The following TAF1D variants were observed in gnomAD, a reference collection of about 807,000 sequenced individuals.
TAF1D encodes TATA-box binding protein associated factor, RNA polymerase I subunit D, also known as TATA box-binding protein-associated factor RNA polymerase I subunit D.
Under a neutral mutation model 26.2 loss-of-function variants are expected in TAF1D, and 23 were observed. The ratio of observed to expected loss-of-function variants is 0.88; its 90% CI spans 0.63 to 1.25. The LOEUF is 1.25. Among genes scored for constraint, TAF1D ranks in the 50% most tolerant of loss-of-function variants. The pLI is 0.00. For missense variants in TAF1D, 299 were observed against 322.0 expected (o/e 0.93, Z 0.55); for synonymous variants, 100 against 105.6 (o/e 0.95, Z 0.33).
intron 2 of TAF1D, 105 bp downstream of exon 2, chr11:93,739,132 A>T: frequency 1.2e-6 from 1 of 854,420 alleles, no homozygotes; most frequent in Non-Finnish European, 1.8e-6. Flanking sequence ...AGTGAAATCT[A>T]GTTTTCCTTC....
downstream of TAF1D, chr11:93,733,403 G>A: frequency 1.9e-6 from 1 of 518,590 alleles, no homozygotes; most frequent in South Asian, 1.4e-5. Context: ...AATACCTAAG[G>A]TAAAAAAGTA....
downstream of TAF1D, chr11:93,734,174 T>C (rs1940138217): frequency 6.5e-6 from 1 of 153,250 alleles, no homozygotes; most frequent in South Asian, 2.0e-4. Flanking sequence ...TCATCCATTA[T>C]AAAATACAGG....
rs566870712 is a variant in TAF1D, at chr11:93,741,411, G to C, written c.-117C>G. The C allele has an allele frequency of 2.2e-6, 1 of 456,322 alleles. No homozygotes were observed. The highest frequency in any genetic ancestry group is 2.0e-5 in the African/African-American group (1 of 50,202). The allele number at this position is 456,322 out of a possible 1,614,324, so 28.3% of individuals were successfully genotyped here. Reference sequence around the variant, plus strand: ...AACCCGCGACTGGCCTGGTGTCCTAGAGCTCTGTACACACCACCCTCCCGA... The same window carrying C: ...AACCCGCGACTGGCCTGGTGTCCTACAGCTCTGTACACACCACCCTCCCGA... On this transcript the variant is annotated 5_prime_UTR_variant, in exon 1 of 6. Coordinates refer to ENST00000448108, the MANE Select transcript of TAF1D (RefSeq NM_024116.4).
downstream of TAF1D, chr11:93,734,840 A>G (rs117981202): frequency 2.1e-3 from 2,132 of 1,032,364 alleles, 41 homozygotes; most frequent in East Asian, 0.058. Context: ...CAGTGGTGCC[A>G]TCAAAGCTCA....
chr11:93,736,997 T>C, intron 4 of TAF1D, 67 bp downstream of exon 4: 1 of 1,354,172 alleles, frequency 7.4e-7, no homozygotes, highest in Non-Finnish European at 9.9e-7. Flanking sequence ...AGGCAAAATA[T>C]GAAGCAATTA....
chr11:93,735,017 G>A (rs1392883187), downstream of TAF1D: 4 of 1,223,430 alleles, frequency 3.3e-6, no homozygotes, highest in Non-Finnish European at 3.2e-6. Context: ...TCCCACCTTG[G>A]TGTGGGGATT....
Position 93,741,487 on chromosome 11 carries a change from A to G in TAF1D, c.-193T>C. On this transcript the variant is annotated 5_prime_UTR_variant, in exon 1 of 6. Transcript: ENST00000448108. Reference sequence around the variant, plus strand: ...CAGCCGACCTCCTCCAACCGTGCGGAAGAAAAGGGTTGGCTATTTCCGTGG... The same window carrying G: ...CAGCCGACCTCCTCCAACCGTGCGGGAGAAAAGGGTTGGCTATTTCCGTGG... 2.2e-6 allele frequency: 1 copy of G among 456,154 alleles called. No individual in the cohort carries two copies. The highest frequency in any genetic ancestry group is 4.4e-6 in the Non-Finnish European group (1 of 226,928). 28.3% of individuals were successfully genotyped at this position (456,154 alleles called of 1,614,324 possible). A position where few individuals can be genotyped will look rare whatever the true frequency, so the allele number is the denominator to read the frequency against.
At chr11:93,733,458 C>T, downstream of TAF1D, 1 of 518,290 alleles carries the variant, frequency 1.9e-6, no homozygotes, top group South Asian at 1.4e-5. Flanking sequence ...CTTTTTCAAA[C>T]TTTTAGCAAC....
At chr11:93,730,273 T>C in exon 12 of TAF1D, 2 of 1,541,304 alleles carry the variant, frequency 1.3e-6, no homozygotes, top group Non-Finnish European at 1.8e-6. Flanking sequence ...ATGCTGACTT[T>C]CTAGAAATAG....
chr11:93,736,456 G>C lies in TAF1D; in HGVS notation c.694-152C>G, dbSNP rs139168053. ...ATTAACATTGCTTATTTTTTCATTTGACATCCTAACTAGCAATAATATGTA... is the reference window on the plus strand; with the variant it reads ...ATTAACATTGCTTATTTTTTCATTTCACATCCTAACTAGCAATAATATGTA... On this transcript the variant is annotated intron_variant, in intron 5 of 5. Transcript: ENST00000448108. 81 of 1,420,358 alleles carry C rather than the reference G, an allele frequency of 5.7e-5. No homozygotes were observed. The East Asian group carries it at 2.1e-3, about 37-fold the overall frequency. 88.0% of individuals were successfully genotyped at this position (1,420,358 alleles called of 1,614,324 possible). A position where few individuals can be genotyped will look rare whatever the true frequency, so the allele number is the denominator to read the frequency against.
downstream of TAF1D, chr11:93,733,073 AAT>A (rs372888321): frequency 2.5e-3 from 853 of 342,376 alleles, 10 homozygotes; most frequent in African/African-American, 0.016. Context: ...TTATAAGTTA[AAT>A]ATTTTACTTA....
In TAF1D at chr11:93,738,232, C is replaced by T; in HGVS notation, c.336G>A (p.Arg112=). 1 of 1,612,930 alleles carries T rather than the reference C, an allele frequency of 6.2e-7. No homozygotes were observed. The highest frequency in any genetic ancestry group is 8.5e-7 in the Non-Finnish European group (1 of 1,179,780). Residue 112 remains arginine, a synonymous_variant, in exon 3 of 6, where the codon AGG becomes AGA. Transcript: ENST00000448108. ...TGRPRGRPEG[R]RNPIYSLIDK... is the part of the protein sequence containing the mutation. ...CTATTAGTGAGTATATAGGATTTCTCCTTCCTTCTGGTCTTCCCCGTGGTC... is the reference window on the plus strand; with the variant it reads ...CTATTAGTGAGTATATAGGATTTCTTCTTCCTTCTGGTCTTCCCCGTGGTC...
chr11:93,736,729 G>C lies in TAF1D; in HGVS notation c.658C>G (p.His220Asp), dbSNP rs747510983. The C allele has an allele frequency of 6.2e-7, 1 of 1,611,114 alleles. No homozygotes were observed. Among genetic ancestry groups the C allele is most frequent in the African/African-American group, 1.3e-5 (1 of 74,924 alleles). Residue 220 changes from histidine (H) to aspartate (D), a missense_variant, in exon 5 of 6, where the codon CAT becomes GAT. His to Asp is a moderately conservative substitution (Grantham distance 81). Coordinates refer to ENST00000448108, the MANE Select transcript of TAF1D (RefSeq NM_024116.4). ...ATATCACATTCGTTATCTTCAAGAT[G>C]TGTTGCATCCTCATCCTCTGCTCTG... ...ESTAEDEDAT[H>D]LEDNECDIKL...
chr11:93,738,436 C>G lies in TAF1D; in HGVS notation c.132G>C (p.Glu44Asp). The stretch of plus-strand genomic sequence containing the variant: ...CAAATTTTCGAATGGGGTTTCTTTT[C>G]TCCCCTTTAGGTGAGTAAGGGATAC... ...TQCIPYSPKG[E>D]KRNPIRKFVR... The change falls in exon 3 of 6, where the codon GAG (glutamate) becomes GAC (aspartate). Residue 44 changes from glutamate to aspartate, a missense_variant. Physicochemically the swap from Glu to Asp is conservative, Grantham distance 45. Transcript: ENST00000448108. 1 of 1,612,022 alleles carries G rather than the reference C, an allele frequency of 6.2e-7. No individual in the cohort carries two copies. Among genetic ancestry groups the G allele is most frequent in the Non-Finnish European group, 8.5e-7 (1 of 1,179,502 alleles).
chr11:93,738,061 T>G, intron 3 of TAF1D, 48 bp downstream of exon 3: 4 of 1,507,696 alleles, frequency 2.7e-6, no homozygotes, highest in Non-Finnish European at 3.5e-6. Context: ...CAAATCATTT[T>G]GGGCATCTTG....
chr11:93,739,928 C>T (rs1280553731), intron 1 of TAF1D, among the ~76,000 whole-genome samples: 2 of 120,532 alleles, frequency 1.7e-5, no homozygotes, highest in African/African-American at 6.3e-5. Flanking sequence ...ATTCTTGTGT[C>T]TTCATCCCCA....
At position 93,738,385 on chromosome 11, in the gene TAF1D, T is replaced by G; in HGVS notation, c.183A>C (p.Ala61=). 2.5e-6 allele frequency: 4 copies of G among 1,614,024 alleles called. No individual in the cohort carries two copies. Among genetic ancestry groups the G allele is most frequent in the Non-Finnish European group, 3.4e-6 (4 of 1,179,990 alleles). ...AAGATGAGTCACTTGATGAATCACTTGCGTGAACACTTTCAGGTGTACGAA... is the reference window on the plus strand; with the variant it reads ...AAGATGAGTCACTTGATGAATCACTGGCGTGAACACTTTCAGGTGTACGAA... The part of the protein sequence containing the change: ...KFVRTPESVH[A]SDSSSDSSFE... Residue 61 remains alanine, a synonymous_variant, in exon 3 of 6, where the codon GCA becomes GCC. Coordinates refer to ENST00000448108, the MANE Select transcript of TAF1D (RefSeq NM_024116.4).
downstream of TAF1D, chr11:93,735,560 A>C (rs1166374822): frequency 1.9e-6 from 1 of 528,040 alleles, no homozygotes; most frequent in East Asian, 1.4e-4. Flanking sequence ...AATCCCAGCT[A>C]CTAAGGAGGC....
chr11:93,731,088 T>C, downstream of TAF1D: 1 of 518,426 alleles, frequency 1.9e-6, no homozygotes, highest in South Asian at 1.4e-5. Context: ...CTAAAAGCCT[T>C]GGTAATGACC....
Sources: allele counts gnomAD v4.1 joint callset (sites outside exome capture counted in the v4.1 genomes callset), GRCh38; gene constraint gnomAD v4.1.1; transcripts MANE v1.5; gene names NCBI Gene and HGNC (gene_info 2026-07-23, HGNC 2026-07-21).